The following APBB2 variants were observed in gnomAD, a reference collection of about 807,000 sequenced individuals.
The protein encoded by APBB2 is Fe65-like 1.
In APBB2, 38 loss-of-function variants were observed where a neutral mutation model predicts 82.5. The observed-to-expected ratio is 0.46, with a 90% CI of 0.36 to 0.60. The LOEUF (loss-of-function observed/expected upper bound fraction) is 0.60. APBB2 is among the 20% of genes least tolerant of loss of function. APBB2 has a pLI of 0.00. For synonymous variants in APBB2, 341 were observed against 368.2 expected (o/e 0.93, Z 0.85); for missense variants, 772 against 972.3 (o/e 0.79, Z 2.74).
At chr4:41,196,594 C>A in intron 1 of APBB2, among the ~76,000 whole-genome samples, 2 of 147,800 alleles carry the variant, frequency 1.4e-5, no homozygotes, top group Admixed American at 1.4e-4. Flanking sequence ...GAGAAAAGCC[C>A]CCTGCTTTTT....
chr4:40,884,804 G>A (rs914995616), intron 12 of APBB2, among the ~76,000 whole-genome samples: 1 of 151,934 alleles, frequency 6.6e-6, no homozygotes, highest in Middle Eastern at 3.2e-3. Flanking sequence ...CCAGGGTCTT[G>A]GTGGATAAAT....
intron 2 of APBB2, among the ~76,000 whole-genome samples, chr4:41,133,457 C>A (rs1478989437): frequency 3.3e-5 from 5 of 152,156 alleles, no homozygotes; most frequent in African/African-American, 1.2e-4. Flanking sequence ...CCCTAGCAGA[C>A]CAAGTCAAGC....
At chr4:40,943,659 C>T (rs1644101075) in intron 7 of APBB2, among the ~76,000 whole-genome samples, 1 of 152,152 alleles carries the variant, frequency 6.6e-6, no homozygotes, top group Admixed American at 6.5e-5. Flanking sequence ...CAAAAATTGC[C>T]CAGGGAGTAG....
intron 3 of APBB2, among the ~76,000 whole-genome samples, chr4:41,080,845 G>A (rs1737351173): frequency 6.6e-6 from 1 of 152,076 alleles, no homozygotes; most frequent in African/African-American, 2.4e-5. Flanking sequence ...TGGGACTACA[G>A]GTGCCTGCCA....
chr4:41,022,294 C>A (rs939777658), intron 5 of APBB2, among the ~76,000 whole-genome samples: 1 of 152,186 alleles, frequency 6.6e-6, no homozygotes, highest in African/African-American at 2.4e-5. Context: ...CCAGTCAGGG[C>A]ATTAAAATGT....
chr4:41,172,260 C>T (rs548024551), intron 1 of APBB2, among the ~76,000 whole-genome samples: 5 of 151,654 alleles, frequency 3.3e-5, no homozygotes, highest in East Asian at 1.9e-4. Context: ...AAGCCAGCTT[C>T]GATCATTACT....
At chr4:40,875,898 T>G (rs982418721) in intron 12 of APBB2, among the ~76,000 whole-genome samples, 5 of 152,242 alleles carry the variant, frequency 3.3e-5, no homozygotes, top group African/African-American at 1.2e-4. Context: ...TAGTATTTTC[T>G]CTTTTCCTCT....
rs919572785 is a variant in APBB2 at position 40,988,847 on chromosome 4, C to A, written c.835+24736G>T. ...GTGGCATGATCTTGGCTCACTGCAG[C>A]CTCCGCTTCCCGGGTTCAAGCAATT... On this transcript the variant is annotated intron_variant, in intron 6 of 17. Transcript: ENST00000508593. 6.0e-5 allele frequency among the ~76,000 whole-genome samples: 9 copies of A among 151,102 alleles called. 1 individual carries two copies. Among genetic ancestry groups the A allele is most frequent in the Admixed American group, 2.0e-4 (3 of 15,212 alleles).
chr4:40,825,420 C>T (rs1749560825), intron 15 of APBB2, among the ~76,000 whole-genome samples: 1 of 152,178 alleles, frequency 6.6e-6, no homozygotes, highest in Non-Finnish European at 1.5e-5. Flanking sequence ...TTGGTATAGC[C>T]CAGCAACTAC....
intron 3 of APBB2, among the ~76,000 whole-genome samples, chr4:41,074,865 C>G (rs1024220806): frequency 1.3e-5 from 2 of 152,056 alleles, no homozygotes; most frequent in Non-Finnish European, 2.9e-5. Context: ...GAAATTAGAT[C>G]AGGCCCAGCA....
intron 1 of APBB2, among the ~76,000 whole-genome samples, chr4:41,149,337 A>G (rs922899865): frequency 2.6e-5 from 4 of 152,132 alleles, no homozygotes; most frequent in African/African-American, 9.6e-5. Context: ...TTAACATGCC[A>G]AAAGTCTGTC....
chr4:41,129,707 C>G (rs1490444732), intron 2 of APBB2, among the ~76,000 whole-genome samples: 31 of 152,022 alleles, frequency 2.0e-4, no homozygotes, highest in Admixed American at 2.0e-3. Context: ...TTATCAAGTA[C>G]CCAGTCCCCA....
At chr4:41,052,760 TTC>T (rs1414464214) in intron 4 of APBB2, among the ~76,000 whole-genome samples, 1 of 146,086 alleles carries the variant, frequency 6.8e-6, no homozygotes, top group African/African-American at 2.6e-5. Flanking sequence ...CAATTTTTCT[TTC>T]TTTCTTTCTT....
chr4:40,826,756 C>G lies in APBB2; in HGVS notation c.1732+376G>C, dbSNP rs1750084530. 1 of 188,580 alleles carries G rather than the reference C, an allele frequency of 5.3e-6. No individual in the cohort carries two copies. Among genetic ancestry groups the G allele is most frequent in the South Asian group, 9.7e-5 (1 of 10,308 alleles). The allele number at this position is 188,580 out of a possible 1,614,324, so 11.7% of individuals were successfully genotyped here. On this transcript the variant is annotated intron_variant, in intron 14 of 17. Transcript: ENST00000508593. The surrounding 1 kb of genome is among the most constrained non-coding windows in gnomAD (Gnocchi z 4.5). ...ATCAACTGAGGTAACTCACTACCTT[C>G]AGACCAGCCCAACCCACGTGTTTTT...
chr4:40,870,622 C>A (rs1162698343), intron 12 of APBB2, among the ~76,000 whole-genome samples: 2 of 152,134 alleles, frequency 1.3e-5, no homozygotes, highest in Non-Finnish European at 1.5e-5. Flanking sequence ...ACTGCCCTAA[C>A]TGTAGAAGGC....
chr4:41,122,257 T>C (rs958242837), intron 2 of APBB2, among the ~76,000 whole-genome samples: 5 of 152,192 alleles, frequency 3.3e-5, no homozygotes, highest in African/African-American at 1.2e-4. Flanking sequence ...ACAAGTACAA[T>C]GACACTTGAG....
intron 12 of APBB2, among the ~76,000 whole-genome samples, chr4:40,839,447 G>C (rs562982366): frequency 6.6e-6 from 1 of 151,904 alleles, no homozygotes; most frequent in East Asian, 1.9e-4. Context: ...TCTGTTGTTG[G>C]GATTCCTTAC....
chr4:40,998,563 C>T (rs903170821), intron 6 of APBB2, among the ~76,000 whole-genome samples: 3 of 152,076 alleles, frequency 2.0e-5, no homozygotes, highest in African/African-American at 7.2e-5. Flanking sequence ...TGTATTAGGC[C>T]AGCAGGGTTT....
intron 1 of APBB2, among the ~76,000 whole-genome samples, chr4:41,149,125 T>C (rs1761548302): frequency 6.6e-6 from 1 of 152,166 alleles, no homozygotes; most frequent in Non-Finnish European, 1.5e-5. Flanking sequence ...GATTACAATT[T>C]ATGTGTTTTG....
Sources: allele counts gnomAD v4.1 joint callset (sites outside exome capture counted in the v4.1 genomes callset), GRCh38; gene constraint gnomAD v4.1.1; non-coding constraint Gnocchi (gnomAD v3.1); transcripts MANE v1.5; gene names NCBI Gene and HGNC (gene_info 2026-07-23, HGNC 2026-07-21).